The following ZNF469 variants were observed in gnomAD, a reference collection of about 807,000 sequenced individuals.
The protein encoded by ZNF469 is zinc finger protein 469.
In ZNF469, 1 loss-of-function variant was observed where a neutral mutation model predicts 1.0. That is an observed-to-expected ratio of 1.00 (90% CI 0.35 to 4.73). ZNF469 has a LOEUF of 4.73. ZNF469 is among the 30% of genes most tolerant of loss of function. The pLI is 0.16. For missense variants in ZNF469, 6,100 were observed against 5,356.3 expected (o/e 1.14, Z -4.33); for synonymous variants, 2,703 against 2,363.4 (o/e 1.14, Z -4.17).
the ZNF469 span, among the ~76,000 whole-genome samples, chr16:88,334,183 T>A: frequency 2.0e-5 from 3 of 152,124 alleles, no homozygotes; most frequent in Non-Finnish European, 4.4e-5. Context: ...GTTACAAATG[T>A]CACTCCCTTT....
chr16:88,244,491 G>C, the ZNF469 span, among the ~76,000 whole-genome samples: 2 of 151,154 alleles, frequency 1.3e-5, no homozygotes, highest in Admixed American at 6.6e-5. Flanking sequence ...ATTGATGAGT[G>C]GGTGGATGCA....
the ZNF469 span, among the ~76,000 whole-genome samples, chr16:88,123,325 C>A: frequency 6.6e-6 from 1 of 152,134 alleles, no homozygotes; most frequent in Non-Finnish European, 1.5e-5. Context: ...TGCAGTGTTG[C>A]CTCTCAGAAG....
the ZNF469 span, among the ~76,000 whole-genome samples, chr16:88,328,858 TG>T: frequency 6.6e-6 from 1 of 150,626 alleles, no homozygotes; most frequent in Non-Finnish European, 1.5e-5. Context: ...GGCAGGCGGG[TG>T]GGGGAGACGC....
At chr16:88,260,746 G>C in the ZNF469 span, among the ~76,000 whole-genome samples, 2 of 152,168 alleles carry the variant, frequency 1.3e-5, no homozygotes, top group Non-Finnish European at 2.9e-5. The surrounding 1 kb of genome is among the most constrained non-coding windows in gnomAD (Gnocchi z 4.1). Flanking sequence ...CCTGGGACCT[G>C]TGAATGCTAC....
the ZNF469 span, among the ~76,000 whole-genome samples, chr16:88,197,511 G>C: frequency 6.6e-6 from 1 of 152,224 alleles, no homozygotes; most frequent in East Asian, 1.9e-4. Flanking sequence ...CAAGGAATTG[G>C]GATGGCACGA....
chr16:88,164,189 G>C, the ZNF469 span, among the ~76,000 whole-genome samples: 1 of 151,914 alleles, frequency 6.6e-6, no homozygotes, highest in Non-Finnish European at 1.5e-5. Flanking sequence ...TGGACGAGTG[G>C]GTGGATGGAT....
In ZNF469 at chr16:88,438,437, T is replaced by A; in HGVS notation, c.10967T>A (p.Val3656Glu). 1 of 1,550,014 alleles carries A rather than the reference T, an allele frequency of 6.5e-7. No individual in the cohort carries two copies. The highest frequency in any genetic ancestry group is 1.7e-4 in the Middle Eastern group (1 of 5,992). Residue 3656 changes from valine (V) to glutamate (E), a missense_variant, in exon 3 of 3, where the codon GTG (valine) becomes GAG (glutamate). Physicochemically the swap from Val to Glu is moderately radical, Grantham distance 121. Transcript: ENST00000565624. ...AAGGAGGTGTCCTCAAGCCACATGG[T>A]GTCTGAGGGGGGGCCCCGAGGCGCC... ...KEKEVSSSHM[V>E]SEGGPRGAFH...
the ZNF469 span, among the ~76,000 whole-genome samples, chr16:88,283,460 A>G: frequency 6.6e-6 from 1 of 152,244 alleles, no homozygotes; most frequent in Admixed American, 6.5e-5. Flanking sequence ...ATACATTTGT[A>G]ATAGCAGGAA....
chr16:88,321,267 A>C, the ZNF469 span, among the ~76,000 whole-genome samples: 1 of 152,266 alleles, frequency 6.6e-6, no homozygotes, highest in Non-Finnish European at 1.5e-5. Context: ...CTGGAAACCC[A>C]GGCAGGAGCT....
chr16:88,165,010 C>T, the ZNF469 span, among the ~76,000 whole-genome samples: 1 of 152,200 alleles, frequency 6.6e-6, no homozygotes, highest in East Asian at 1.9e-4. Flanking sequence ...TCTTTTATCC[C>T]CCCACAGGTG....
At chr16:88,221,680 C>T in the ZNF469 span, among the ~76,000 whole-genome samples, 9,817 of 152,292 alleles carry the variant, frequency 0.064, 481 homozygotes, top group Non-Finnish European at 0.1. Flanking sequence ...GACCACACAC[C>T]GGGGGGCTTC....
chr16:88,395,739 C>T (rs1185724507), intron 1 of ZNF469, among the ~76,000 whole-genome samples: 1 of 152,202 alleles, frequency 6.6e-6, no homozygotes, highest in Non-Finnish European at 1.5e-5. Context: ...GGCAGAAGCT[C>T]TAGAGTCTGA....
the ZNF469 span, chr16:88,194,247 C>G: frequency 6.6e-6 from 1 of 152,254 alleles, no homozygotes; most frequent in East Asian, 1.9e-4. Flanking sequence ...CTGCAGCAGC[C>G]GGGGACGGGC....
the ZNF469 span, among the ~76,000 whole-genome samples, chr16:88,326,335 C>T: frequency 1.3e-5 from 2 of 152,220 alleles, no homozygotes; most frequent in African/African-American, 4.8e-5. Flanking sequence ...TGACCTGCTC[C>T]TCCTTACCTT....
the ZNF469 span, among the ~76,000 whole-genome samples, chr16:88,197,938 C>A: frequency 6.6e-6 from 1 of 152,252 alleles, no homozygotes. Context: ...GGCAGCTGCA[C>A]GCTAGTGTGC....
At chr16:88,381,915 G>A (rs900924419), upstream of ZNF469, among the ~76,000 whole-genome samples, 4 of 152,260 alleles carry the variant, frequency 2.6e-5, no homozygotes, top group Non-Finnish European at 5.9e-5. Context: ...CCGTGGTTAG[G>A]CCACACCTTG....
At chr16:88,240,146 A>G in the ZNF469 span, among the ~76,000 whole-genome samples, 1 of 151,790 alleles carries the variant, frequency 6.6e-6, no homozygotes, top group African/African-American at 2.4e-5. Context: ...GTGATTCTCA[A>G]AGCCTGCTCT....
the ZNF469 span, among the ~76,000 whole-genome samples, chr16:88,218,532 A>T: frequency 6.6e-4 from 101 of 152,296 alleles, no homozygotes; most frequent in African/African-American, 2.3e-3. Flanking sequence ...GATTATCTCA[A>T]TAGACGCAGA....
intron 1 of ZNF469, among the ~76,000 whole-genome samples, chr16:88,388,273 G>A (rs1441099682): frequency 1.3e-5 from 2 of 152,240 alleles, no homozygotes; most frequent in African/African-American, 2.4e-5. Context: ...AGGCAGGATG[G>A]GGGACATTCC....
Sources: gnomAD v4.1 joint callset for allele counts (sites outside exome capture counted in the v4.1 genomes callset) on GRCh38, gnomAD v4.1.1 for gene constraint, Gnocchi (gnomAD v3.1) non-coding constraint, MANE v1.5 for transcripts, NCBI Gene and HGNC (gene_info 2026-07-23, HGNC 2026-07-21) for gene names.